NELL2: variants seen among roughly 807,000 people sequenced by gnomAD.
NELL2 encodes neural EGFL like 2, also known as protein kinase C-binding protein NELL2.
NELL2 carries 41 observed loss-of-function variants against 109.6 expected under a neutral mutation model. That is an observed-to-expected ratio of 0.37 (90% confidence interval 0.29 to 0.49). The LOEUF (loss-of-function observed/expected upper bound fraction) is 0.49. Among genes scored for constraint, NELL2 ranks in the 20% least tolerant of loss-of-function variants. The pLI is 0.98. For missense variants in NELL2, 900 were observed against 1,008.3 expected (o/e 0.89, Z 1.45); for synonymous variants, 355 against 344.7 (o/e 1.03, Z -0.33).
chr12:44,862,170 C>G (rs1041617098), intron 2 of NELL2, among the ~76,000 whole-genome samples: 1 of 152,182 alleles, frequency 6.6e-6, no homozygotes, highest in African/African-American at 2.4e-5. Context: ...TAACTCTTTT[C>G]CCATTTGCCC....
chr12:44,651,867 C>T (rs536434797), intron 13 of NELL2, among the ~76,000 whole-genome samples: 1 of 152,214 alleles, frequency 6.6e-6, no homozygotes, highest in East Asian at 1.9e-4. Context: ...ATCTCAGTGA[C>T]TAGGAGAGGG....
intron 1 of NELL2, among the ~76,000 whole-genome samples, chr12:44,890,523 T>C (rs1037682267): frequency 6.6e-6 from 1 of 152,134 alleles, no homozygotes; most frequent in Non-Finnish European, 1.5e-5. Flanking sequence ...ACTCCAGAGT[T>C]CATTCTCTAA....
intron 15 of NELL2, among the ~76,000 whole-genome samples, chr12:44,581,284 CTTAAT>C (rs1944310816): frequency 6.6e-6 from 1 of 152,074 alleles, no homozygotes; most frequent in East Asian, 1.9e-4. Flanking sequence ...CTTAAAGATA[CTTAAT>C]TTAAAAGAAA....
intron 1 of NELL2, among the ~76,000 whole-genome samples, chr12:44,888,108 T>C (rs1945494658): frequency 6.6e-6 from 1 of 152,066 alleles, no homozygotes; most frequent in South Asian, 2.1e-4. Flanking sequence ...TTCCCCATTG[T>C]ATGTTCTTGG....
At chr12:44,519,949 A>G in intron 19 of NELL2, 56 bp downstream of exon 19, 1 of 1,467,448 alleles carries the variant, frequency 6.8e-7, no homozygotes, top group East Asian at 2.3e-5. Flanking sequence ...ATTATTATCT[A>G]TGAGCCCTGG....
At chr12:44,791,182 T>TTATATA (rs1942406742) in intron 3 of NELL2, among the ~76,000 whole-genome samples, 1 of 18,892 alleles carries the variant, frequency 5.3e-5, no homozygotes, top group African/African-American at 1.9e-4. Context: ...TAGTATTCCA[T>TTATATA]CATATATATA....
intron 12 of NELL2, among the ~76,000 whole-genome samples, chr12:44,677,058 C>G (rs745371137): frequency 1.3e-5 from 2 of 151,994 alleles, no homozygotes; most frequent in Admixed American, 6.6e-5. Flanking sequence ...CCCAGTCTTA[C>G]AAACAGGGAG....
At chr12:44,775,978 G>T in intron 8 of NELL2, 44 bp downstream of exon 8, 1 of 1,592,380 alleles carries the variant, frequency 6.3e-7, no homozygotes, top group Non-Finnish European at 8.5e-7. Context: ...TAAAGAGTGG[G>T]AGCATCTGAG....
At chr12:44,837,066 C>A (rs540367679) in intron 2 of NELL2, among the ~76,000 whole-genome samples, 1 of 152,204 alleles carries the variant, frequency 6.6e-6, no homozygotes, top group Admixed American at 6.5e-5. Flanking sequence ...TAGGAGAGTG[C>A]CTGGCACATA....
intron 2 of NELL2, among the ~76,000 whole-genome samples, chr12:44,849,657 A>C (rs1390669140): frequency 1.3e-5 from 2 of 152,206 alleles, no homozygotes; most frequent in South Asian, 2.1e-4. Context: ...ATCCAAAAGG[A>C]ATAAAAGTAA....
chr12:44,788,922 A>ATAATCC lies in NELL2; in HGVS notation c.336-8901_336-8900insGGATTA, dbSNP rs1942280108. Among the ~76,000 whole-genome samples the ATAATCC allele has an allele frequency of 3.9e-5, 6 of 152,004 alleles. No individual in the cohort carries two copies. The South Asian group carries it at 8.3e-4, about 21-fold the overall frequency. On this transcript the variant is annotated intron_variant, in intron 3 of 19. Transcript: ENST00000429094. ...ACTTCCCTAACAACCTTCATGACTC[A>ATAATCC]GCAGAGGCAGCCATAATCCTCCTAG...
At chr12:44,699,539 C>T (rs1949163241) in intron 12 of NELL2, among the ~76,000 whole-genome samples, 1 of 152,048 alleles carries the variant, frequency 6.6e-6, no homozygotes, top group African/African-American at 2.4e-5. Context: ...AGCTTCAGGT[C>T]CCTTAAGCTA....
chr12:44,797,133 T>C (rs1346014158), intron 3 of NELL2, among the ~76,000 whole-genome samples: 2 of 152,050 alleles, frequency 1.3e-5, no homozygotes, highest in Non-Finnish European at 2.9e-5. Context: ...CCAAAAGAGT[T>C]AGGGAGTTAA....
intron 13 of NELL2, among the ~76,000 whole-genome samples, chr12:44,654,061 G>A (rs1947400369): frequency 1.3e-5 from 2 of 152,096 alleles, no homozygotes; most frequent in Admixed American, 1.3e-4. Context: ...GGTGATGTGT[G>A]GCCATACCCA....
chr12:44,762,158 C>T (rs2136552059), intron 9 of NELL2, among the ~76,000 whole-genome samples: 1 of 152,244 alleles, frequency 6.6e-6, no homozygotes, highest in East Asian at 1.9e-4. Context: ...AGACTCCAGG[C>T]TCAAATATCC....
intron 9 of NELL2, among the ~76,000 whole-genome samples, chr12:44,745,811 T>C (rs1414969027): frequency 6.6e-6 from 1 of 152,090 alleles, no homozygotes; most frequent in African/African-American, 2.4e-5. Flanking sequence ...TACAAACAAA[T>C]GGAAGAACAT....
At chr12:44,510,226 C>T (rs1592045899) in intron 19 of NELL2, among the ~76,000 whole-genome samples, 3 of 152,262 alleles carry the variant, frequency 2.0e-5, no homozygotes, top group Non-Finnish European at 2.9e-5. Flanking sequence ...CTGTGTCAGA[C>T]ACTTTGCCAG....
intron 12 of NELL2, among the ~76,000 whole-genome samples, chr12:44,673,300 T>C (rs1240468483): frequency 1.3e-5 from 2 of 152,212 alleles, no homozygotes; most frequent in Non-Finnish European, 2.9e-5. Flanking sequence ...ATGTCAAATT[T>C]AGTCCAGGGT....
intron 3 of NELL2, among the ~76,000 whole-genome samples, chr12:44,799,314 A>T (rs1473508060): frequency 6.6e-6 from 1 of 151,992 alleles, no homozygotes; most frequent in Non-Finnish European, 1.5e-5. Flanking sequence ...ATACAGTAAG[A>T]TCCCACTTCC....
Sources: gnomAD v4.1 joint callset for allele counts (sites outside exome capture counted in the v4.1 genomes callset) on GRCh38, gnomAD v4.1.1 for gene constraint, MANE v1.5 for transcripts, NCBI Gene and HGNC (gene_info 2026-07-23, HGNC 2026-07-21) for gene names.